CCSER1: variants seen among roughly 807,000 people sequenced by gnomAD.
CCSER1 encodes the protein serine-rich coiled-coil domain-containing protein 1.
Under a neutral mutation model 82.0 loss-of-function variants are expected in CCSER1, and 41 were observed. The ratio of observed to expected loss-of-function variants is 0.50; its 90% CI spans 0.39 to 0.65. The LOEUF (loss-of-function observed/expected upper bound fraction) is 0.65. Among genes scored for constraint, CCSER1 ranks in the 30% least tolerant of loss-of-function variants. The probability of loss-of-function intolerance (pLI) is 0.00; values close to 1 mark genes in which losing one functional copy is unlikely to be tolerated. For missense variants in CCSER1, 1,119 were observed against 1,064.2 expected (o/e 1.05, Z -0.72); for synonymous variants, 414 against 383.9 (o/e 1.08, Z -0.92).
At chr4:90,409,599 C>T (rs554409572) in intron 4 of CCSER1, among the ~76,000 whole-genome samples, 1 of 152,242 alleles carries the variant, frequency 6.6e-6, no homozygotes, top group South Asian at 2.1e-4. Flanking sequence ...TTGTCACCAC[C>T]AGACCTGCCC....
chr4:90,260,830 C>T (rs779505177), intron 1 of CCSER1, among the ~76,000 whole-genome samples: 1 of 152,172 alleles, frequency 6.6e-6, no homozygotes, highest in Non-Finnish European at 1.5e-5. Context: ...ATTTTCCTGC[C>T]TCAGCCTCCC....
At chr4:91,110,968 G>T (rs2148871750) in intron 10 of CCSER1, among the ~76,000 whole-genome samples, 1 of 151,936 alleles carries the variant, frequency 6.6e-6, no homozygotes, top group Admixed American at 6.5e-5. Context: ...TAAATATATA[G>T]ATGATGATAA....
rs1261239364 is a variant in CCSER1, at chr4:90,516,495, CTTATGAGAGCCTTATGAAT to C, written c.1724+48142_1724+48160del. Among the ~76,000 whole-genome samples the C allele has an allele frequency of 1.7e-4, 26 of 152,208 alleles. No individual in the cohort carries two copies. The East Asian group carries it at 4.3e-3, about 25-fold the overall frequency. ...GAGAGGGTTATAGAGGGCAGACTTC[CTTATGAGAGCCTTATGAAT>C]CTCTTCAGTTGAGGGTCACACTCAG... is the stretch of plus-strand genomic sequence containing the variant. On this transcript the variant is annotated intron_variant, in intron 5 of 10. Coordinates refer to ENST00000509176, the MANE Select transcript of CCSER1 (RefSeq NM_001145065.2).
chr4:90,993,144 G>A (rs1723743121), intron 9 of CCSER1, among the ~76,000 whole-genome samples: 1 of 152,064 alleles, frequency 6.6e-6, no homozygotes, highest in African/African-American at 2.4e-5. Flanking sequence ...ATCCTAAAAT[G>A]TTAATCCAAA....
intron 4 of CCSER1, among the ~76,000 whole-genome samples, chr4:90,410,846 C>T (rs1047654616): frequency 1.4e-4 from 21 of 151,836 alleles, no homozygotes; most frequent in Admixed American, 5.3e-4. Flanking sequence ...GCTGGTTTTT[C>T]GAAAGGATCA....
At chr4:90,911,644 G>C (rs888873591) in intron 8 of CCSER1, among the ~76,000 whole-genome samples, 1 of 152,148 alleles carries the variant, frequency 6.6e-6, no homozygotes, top group Admixed American at 6.5e-5. Flanking sequence ...AGGACAGTGG[G>C]TGTAGCGCAC....
chr4:90,570,887 A>T (rs1008138285), intron 5 of CCSER1, among the ~76,000 whole-genome samples: 5 of 152,146 alleles, frequency 3.3e-5, no homozygotes, highest in Non-Finnish European at 7.4e-5. Context: ...AGGCCTGTAA[A>T]ACCCACCACA....
chr4:90,957,572 T>A (rs1220478653), intron 9 of CCSER1, among the ~76,000 whole-genome samples: 1 of 133,474 alleles, frequency 7.5e-6, no homozygotes, highest in Non-Finnish European at 1.5e-5. Flanking sequence ...TATATAATTA[T>A]ATTATATAAT....
intron 9 of CCSER1, among the ~76,000 whole-genome samples, chr4:91,023,119 A>G (rs535519824): frequency 1.3e-5 from 2 of 152,190 alleles, no homozygotes; most frequent in Non-Finnish European, 2.9e-5. Context: ...GGACCTCTTC[A>G]AGGAGAACTA....
chr4:90,775,043 A>T (rs949895738), intron 7 of CCSER1, among the ~76,000 whole-genome samples: 1 of 152,154 alleles, frequency 6.6e-6, no homozygotes, highest in African/African-American at 2.4e-5. Context: ...ATTTATTGAC[A>T]AGATCCTTTT....
At chr4:90,588,838 C>T (rs947660946) in intron 5 of CCSER1, among the ~76,000 whole-genome samples, 3 of 152,164 alleles carry the variant, frequency 2.0e-5, no homozygotes, top group African/African-American at 7.2e-5. Context: ...TTAGCTTCCA[C>T]CATGATGGTG....
rs545463427 is a variant in CCSER1, at chr4:91,217,244, A to G, written c.2217+131250A>G. Among the ~76,000 whole-genome samples the G allele has an allele frequency of 5.9e-5, 9 of 152,304 alleles. No individual in the cohort carries two copies. In the South Asian group the frequency reaches 1.2e-3, roughly 21 times the overall value. ...GGAAAGGGACCCGAGCGGGTTGCCA[A>G]TGCTGGCTCAGGCAGCCTGCTTTCA... is the stretch of plus-strand genomic sequence containing the variant. On this transcript the variant is annotated intron_variant, in intron 10 of 10. Transcript: ENST00000509176.
intron 10 of CCSER1, among the ~76,000 whole-genome samples, chr4:91,426,661 T>A (rs1343923089): frequency 6.6e-6 from 1 of 152,210 alleles, no homozygotes; most frequent in African/African-American, 2.4e-5. Context: ...TGTGTGCAAT[T>A]TTAAGAGTAT....
intron 5 of CCSER1, among the ~76,000 whole-genome samples, chr4:90,549,277 G>A (rs1258200345): frequency 6.6e-6 from 1 of 152,270 alleles, no homozygotes; most frequent in Non-Finnish European, 1.5e-5. Flanking sequence ...TGTTTGCTAA[G>A]TGTCTATAAT....
At chr4:91,489,742 C>T (rs1272431986) in intron 10 of CCSER1, among the ~76,000 whole-genome samples, 3 of 151,950 alleles carry the variant, frequency 2.0e-5, no homozygotes, top group African/African-American at 4.8e-5. Context: ...GAGCCGAGAT[C>T]GCTCCACTGC....
intron 8 of CCSER1, among the ~76,000 whole-genome samples, chr4:90,856,875 G>A (rs145018879): frequency 1.3e-3 from 194 of 151,616 alleles, no homozygotes; most frequent in Middle Eastern, 7.0e-3. Flanking sequence ...TGTAGGGGAG[G>A]CTTAGAGGTT....
chr4:90,730,752 G>GT (rs769051767), intron 7 of CCSER1, among the ~76,000 whole-genome samples: 1 of 152,144 alleles, frequency 6.6e-6, no homozygotes, highest in South Asian at 2.1e-4. Flanking sequence ...AGCCACTCAT[G>GT]TTTTTATGGG....
At chr4:90,585,715 G>A (rs191332605) in intron 5 of CCSER1, among the ~76,000 whole-genome samples, 2 of 152,112 alleles carry the variant, frequency 1.3e-5, no homozygotes, top group East Asian at 1.9e-4. Context: ...AGTAACATAC[G>A]GGTGTGTGAC....
At chr4:91,194,340 T>G (rs1206354618) in intron 10 of CCSER1, among the ~76,000 whole-genome samples, 1 of 152,200 alleles carries the variant, frequency 6.6e-6, no homozygotes, top group Non-Finnish European at 1.5e-5. Flanking sequence ...GGTTTTATTC[T>G]AGGCACTGTA....
Sources: allele counts gnomAD v4.1 joint callset (sites outside exome capture counted in the v4.1 genomes callset), GRCh38; gene constraint gnomAD v4.1.1; transcripts MANE v1.5; gene names NCBI Gene and HGNC (gene_info 2026-07-23, HGNC 2026-07-21).